The following NAF1 variants were observed in gnomAD, a reference collection of about 807,000 sequenced individuals.
NAF1 encodes H/ACA ribonucleoprotein complex non-core subunit NAF1.
NAF1 carries 11 observed loss-of-function variants against 40.6 expected under a neutral mutation model. The ratio of observed to expected loss-of-function variants is 0.27; its 90% confidence interval spans 0.17 to 0.45. The LOEUF (loss-of-function observed/expected upper bound fraction) is 0.45, where lower values mean the gene tolerates loss of function less well. Ranked by LOEUF, NAF1 falls within the 20% of genes least tolerant of loss-of-function variation. NAF1 has a pLI of 1.00. For missense variants in NAF1, 607 were observed against 611.1 expected (o/e 0.99, Z 0.07); for synonymous variants, 260 against 228.5 (o/e 1.14, Z -1.24).
At chr4:163,153,062 C>G (rs879870979) in intron 2 of NAF1, among the ~76,000 whole-genome samples, 1 of 152,214 alleles carries the variant, frequency 6.6e-6, no homozygotes, top group Non-Finnish European at 1.5e-5. Context: ...GATTTCTCGC[C>G]GAGCCTTAGC....
At chr4:163,139,407 T>C (rs1000397132) in intron 5 of NAF1, among the ~76,000 whole-genome samples, 1 of 152,124 alleles carries the variant, frequency 6.6e-6, no homozygotes, top group Admixed American at 6.5e-5. Flanking sequence ...AAAATATTTT[T>C]AGTGGCTCAT....
At chr4:163,118,164 A>G (rs765998557) in intron 2 of NAF1, among the ~76,000 whole-genome samples, 53 of 152,176 alleles carry the variant, frequency 3.5e-4, no homozygotes, top group Non-Finnish European at 6.9e-4. Context: ...ATAATCTTGA[A>G]TCCACACATA....
intron 7 of NAF1, among the ~76,000 whole-genome samples, chr4:163,129,900 G>C (rs1730802851): frequency 6.6e-6 from 1 of 152,132 alleles, no homozygotes; most frequent in Admixed American, 6.5e-5. Flanking sequence ...TCCTCCACTG[G>C]TGTCAGTGCA....
At chr4:163,154,308 C>T (rs1427811958) in intron 2 of NAF1, among the ~76,000 whole-genome samples, 1 of 152,204 alleles carries the variant, frequency 6.6e-6, no homozygotes, top group Non-Finnish European at 1.5e-5. Flanking sequence ...ATAGTAACAA[C>T]TCTACCTATA....
At chr4:163,162,285 T>A (rs150703899) in intron 2 of NAF1, among the ~76,000 whole-genome samples, 1 of 152,216 alleles carries the variant, frequency 6.6e-6, no homozygotes, top group Admixed American at 6.5e-5. Context: ...AACTTAAGAT[T>A]TGAAACCCCG....
At chr4:163,160,333 C>T (rs1339000410) in intron 2 of NAF1, among the ~76,000 whole-genome samples, 2 of 151,168 alleles carry the variant, frequency 1.3e-5, no homozygotes, top group Admixed American at 6.6e-5. Context: ...TCCCCCTTAA[C>T]GTACCCTCAC....
chr4:163,119,441 C>T (rs979549609), intron 2 of NAF1: 6 of 152,156 alleles, frequency 3.9e-5, no homozygotes, highest in Non-Finnish European at 2.9e-5. Context: ...CATGGAATCT[C>T]CCGAGAAAAA....
intron 5 of NAF1, among the ~76,000 whole-genome samples, chr4:163,138,299 T>C (rs921752160): frequency 3.3e-5 from 5 of 152,124 alleles, no homozygotes; most frequent in Non-Finnish European, 7.4e-5. Flanking sequence ...AAGCATTTCC[T>C]CAATTGTCAT....
chr4:163,115,248 G>T (rs1212466032), intron 2 of NAF1, among the ~76,000 whole-genome samples: 7 of 127,282 alleles, frequency 5.5e-5, no homozygotes, highest in African/African-American at 1.7e-4. Context: ...TCGCTCTGTC[G>T]CCCAGGCTGG....
downstream of NAF1, among the ~76,000 whole-genome samples, chr4:163,127,714 G>A (rs940214850): frequency 2.0e-5 from 3 of 152,182 alleles, no homozygotes; most frequent in African/African-American, 7.2e-5. Flanking sequence ...CTCAACTTGT[G>A]TACTAGGAAT....
intron 3 of NAF1, among the ~76,000 whole-genome samples, chr4:163,146,726 G>A (rs982297851): frequency 3.9e-5 from 6 of 152,118 alleles, no homozygotes; most frequent in South Asian, 2.1e-4. Context: ...GAGGAAGGAC[G>A]GCTTGAGCCC....
rs115097706 is a variant in NAF1, at chr4:163,115,896, T to C, written c.115-5606A>G. ...AATTCTTCCCTATCAGTTTTATTTGTAGAGATCTATTTCTATGCACAATTT... is the reference window on the plus strand; with the variant it reads ...AATTCTTCCCTATCAGTTTTATTTGCAGAGATCTATTTCTATGCACAATTT... On this transcript the variant is annotated intron_variant, in intron 2 of 2. Coordinates refer to the NAF1 transcript ENST00000509434. Among the ~76,000 whole-genome samples, 626 of 152,320 alleles carry C rather than the reference T, an allele frequency of 4.1e-3. 3 individuals are homozygous for C. Among genetic ancestry groups the C allele is most frequent in the African/African-American group, 0.014 (580 of 41,566 alleles).
At chr4:163,137,063 C>T (rs1406002942) in intron 6 of NAF1, 136 bp downstream of exon 6, 1 of 894,948 alleles carries the variant, frequency 1.1e-6, no homozygotes, top group Non-Finnish European at 1.7e-6. Flanking sequence ...TGAGAGAATA[C>T]ATGCGCTAGG....
At chr4:163,123,662 C>T (rs574669819), downstream of NAF1, among the ~76,000 whole-genome samples, 3 of 152,298 alleles carry the variant, frequency 2.0e-5, no homozygotes, top group East Asian at 5.8e-4. Context: ...GGATTACAGG[C>T]ATGAACCACC....
downstream of NAF1, chr4:163,126,972 C>T (rs1428117121): frequency 6.5e-7 from 1 of 1,546,892 alleles, no homozygotes; most frequent in Non-Finnish European, 8.7e-7. Flanking sequence ...TTTTTTTAGA[C>T]ACAATGCTAT....
downstream of NAF1, among the ~76,000 whole-genome samples, chr4:163,106,789 A>G (rs1298362037): frequency 6.6e-6 from 1 of 152,204 alleles, no homozygotes; most frequent in Non-Finnish European, 1.5e-5. Context: ...ATGAATATTA[A>G]CTTATACAGA....
At chr4:163,133,036 G>A in intron 7 of NAF1, 118 bp downstream of exon 7, 4 of 803,828 alleles carry the variant, frequency 5.0e-6, no homozygotes, top group Non-Finnish European at 3.9e-6. Flanking sequence ...CTAAATGTTA[G>A]CAGGATGCTA....
chr4:163,148,349 T>C lies in NAF1; in HGVS notation c.626A>G (p.Glu209Gly), dbSNP rs1382899606. The C allele has an allele frequency of 4.5e-6, 7 of 1,548,068 alleles. No homozygotes were observed. Among genetic ancestry groups the C allele is most frequent in the Non-Finnish European group, 6.1e-6 (7 of 1,152,374 alleles). ...KPLGMVSSII[E>G]QLVIIESMTN... ...TAGAATTCTTAACATACCTAGTTGT[T>C]CAATAATACTTGAAACCATCCCAAG... Residue 209 changes from glutamate (E) to glycine (G), a missense_variant, in exon 3 of 8, where the codon GAA becomes GGA. Around this residue, in one of 3 missense-constraint regions of NAF1, gnomAD observed 407 missense variants for 365.5 expected, o/e 1.11. Coordinates refer to ENST00000274054, the MANE Select transcript of NAF1 (RefSeq NM_138386.3).
intron 2 of NAF1, among the ~76,000 whole-genome samples, chr4:163,113,624 A>C (rs1730233181): frequency 6.6e-6 from 1 of 152,106 alleles, no homozygotes; most frequent in Non-Finnish European, 1.5e-5. Flanking sequence ...TGTGTTTTCC[A>C]GGACAATTAT....
Sources: gnomAD v4.1 joint callset for allele counts (sites outside exome capture counted in the v4.1 genomes callset) on GRCh38, gnomAD v4.1.1 for gene constraint, gnomAD v4.1.1 regional missense constraint, MANE v1.5 for transcripts, NCBI Gene and HGNC (gene_info 2026-07-23, HGNC 2026-07-21) for gene names.